The following SMAD2 variants were observed in gnomAD, a reference collection of about 807,000 sequenced individuals.
SMAD2 encodes the protein SMAD family member 2, also known as MAD homolog 2.
SMAD2 carries 8 observed loss-of-function variants against 64.4 expected under a neutral mutation model. The ratio of observed to expected loss-of-function variants is 0.12; its 90% CI spans 0.07 to 0.22. The LOEUF is 0.22. Ranked by LOEUF, SMAD2 falls within the 10% of genes least tolerant of loss-of-function variation. The pLI, the probability that SMAD2 is intolerant of heterozygous loss-of-function variation, is 1.00. For synonymous variants in SMAD2, 203 were observed against 195.8 expected (o/e 1.04, Z -0.31); for missense variants, 289 against 561.2 (o/e 0.51, Z 4.90).
chr18:47,871,345 A>C (rs2031921124), intron 2 of SMAD2, among the ~76,000 whole-genome samples: 1 of 152,254 alleles, frequency 6.6e-6, no homozygotes, highest in Non-Finnish European at 1.5e-5. Flanking sequence ...AAAATCATCA[A>C]AACTTCAATG....
In SMAD2 at chr18:47,832,495, T is replaced by TCC. The variant is rs990182499; in HGVS notation, c.*9330_*9331dup. ...AAATAGTGTATTTTAGCATTTGAGGTCCCTTTTTGTTGCATACTAAAGCAT... is the reference window on the plus strand; with the variant it reads ...AAATAGTGTATTTTAGCATTTGAGGTCCCCCTTTTTGTTGCATACTAAAGCAT... On this transcript the variant is annotated 3_prime_UTR_variant, in exon 11 of 11. Coordinates refer to ENST00000262160, the MANE Select transcript of SMAD2 (RefSeq NM_005901.6). 29 of 152,308 alleles carry TCC rather than the reference T, an allele frequency of 1.9e-4. No homozygotes were observed. Among genetic ancestry groups the TCC allele is most frequent in the African/African-American group, 5.8e-4 (24 of 41,574 alleles). The allele number at this position is 152,308 out of a possible 1,614,324, so 9.4% of individuals were successfully genotyped here.
chr18:47,908,231 G>T (rs2033982316), intron 1 of SMAD2, among the ~76,000 whole-genome samples: 1 of 152,156 alleles, frequency 6.6e-6, no homozygotes, highest in Non-Finnish European at 1.5e-5. Flanking sequence ...ATGGAGGGTG[G>T]AAGGGGTATT....
Position 47,848,502 on chromosome 18 carries a change from T to C in SMAD2, c.970A>G (p.Thr324Ala). The change falls in exon 8 of 11, where the codon ACG becomes GCG. Residue 324 changes from threonine to alanine, a missense_variant. By Grantham distance (58) the Thr-to-Ala change is moderately conservative. This residue lies in a region of SMAD2 where 49 missense variants were observed against 101.1 expected (regional missense o/e 0.48). Coordinates refer to ENST00000262160, the MANE Select transcript of SMAD2 (RefSeq NM_005901.6). Reference sequence around the variant, plus strand: ...ATATGCCTTCTTGTCATTTCTACCGTGGCATTTCGGTTAACATTGGAGAGT... The same window carrying C: ...ATATGCCTTCTTGTCATTTCTACCGCGGCATTTCGGTTAACATTGGAGAGT... Reference protein sequence around the residue: ...GLLSNVNRNATVEMTRRHIGR... With the variant: ...GLLSNVNRNAAVEMTRRHIGR... 6.2e-7 allele frequency: 1 copy of C among 1,613,698 alleles called. No homozygotes were observed. The highest frequency in any genetic ancestry group is 1.1e-5 in the South Asian group (1 of 91,068).
At position 47,868,316 on chromosome 18, in the gene SMAD2, A is replaced by G; in HGVS notation, c.655+7T>C. The G allele has an allele frequency of 6.2e-7, 1 of 1,612,716 alleles. No homozygotes were observed. The highest frequency in any genetic ancestry group is 8.5e-7 in the Non-Finnish European group (1 of 1,178,942). ...CAAGTTTTAGGAGATTCAGAAGGCAAAAATACCTGGAATATAATTACTCTG... is the reference window on the plus strand; with the variant it reads ...CAAGTTTTAGGAGATTCAGAAGGCAGAAATACCTGGAATATAATTACTCTG... On this transcript the variant is annotated splice_region_variant and intron_variant, in intron 5 of 10. Coordinates refer to ENST00000262160, the MANE Select transcript of SMAD2 (RefSeq NM_005901.6).
At position 47,833,291 on chromosome 18, in the gene SMAD2, T is replaced by G. The variant is rs973293936; in HGVS notation, c.*8536A>C. On this transcript the variant is annotated 3_prime_UTR_variant, in exon 11 of 11. Transcript: ENST00000262160. ...TAAGCAATGTTTTCTTAAGCAGAAC[T>G]TTTTTTGTACTTTAAATAGACTAAA... 1.8e-5 allele frequency: 4 copies of G among 217,444 alleles called. No homozygotes were observed. The highest frequency in any genetic ancestry group is 9.3e-6 in the Non-Finnish European group (1 of 107,906). 13.5% of individuals were successfully genotyped at this position (217,444 alleles called of 1,614,324 possible).
At position 47,814,720 on chromosome 18, in the gene SMAD2, C is replaced by G. The variant is rs1029576718; in HGVS notation, c.*27107G>C. On this transcript the variant is annotated 3_prime_UTR_variant, in exon 11 of 11. Transcript: ENST00000262160. Reference sequence around the variant, plus strand: ...AGGCTTACCCAGTATGGCACAGGAGCACTAGCTCAGCATTGGTGGAAGGAG... The same window carrying G: ...AGGCTTACCCAGTATGGCACAGGAGGACTAGCTCAGCATTGGTGGAAGGAG... The G allele has an allele frequency of 1.3e-5, 2 of 152,264 alleles. No homozygotes were observed. The highest frequency in any genetic ancestry group is 4.8e-5 in the African/African-American group (2 of 41,458). 9.4% of individuals were successfully genotyped at this position (152,264 alleles called of 1,614,324 possible).
chr18:47,882,995 CTCTG>C (rs1306424052), intron 2 of SMAD2, among the ~76,000 whole-genome samples: 2 of 152,152 alleles, frequency 1.3e-5, no homozygotes, highest in Non-Finnish European at 2.9e-5. Context: ...ATTGTGGGCT[CTCTG>C]TCTTTTTCTT....
rs141748599 is a variant in SMAD2 at position 47,924,450 on chromosome 18, C to T, written c.-54+5911G>A. Reference sequence around the variant, plus strand: ...GCTCTGCAAAAAAGATTTGCCACCCCACATTTTCTTTTTTTTCTTTTTTTT... The same window carrying T: ...GCTCTGCAAAAAAGATTTGCCACCCTACATTTTCTTTTTTTTCTTTTTTTT... On this transcript the variant is annotated intron_variant, in intron 1 of 10. Coordinates refer to ENST00000262160, the MANE Select transcript of SMAD2 (RefSeq NM_005901.6). Among the ~76,000 whole-genome samples, 18 of 151,610 alleles carry T rather than the reference C, an allele frequency of 1.2e-4. 1 individual carries two copies. The East Asian group carries it at 3.5e-3, about 29-fold the overall frequency.
chr18:47,926,535 T>G (rs1289640980), intron 1 of SMAD2, among the ~76,000 whole-genome samples: 1 of 151,806 alleles, frequency 6.6e-6, no homozygotes, highest in African/African-American at 2.4e-5. Context: ...CCTCTAAGCC[T>G]CCCACAGTAC....
chr18:47,866,048 G>A (rs967235415), intron 5 of SMAD2, among the ~76,000 whole-genome samples: 3 of 152,232 alleles, frequency 2.0e-5, no homozygotes, highest in African/African-American at 2.4e-5. Context: ...CAGGCGCGGT[G>A]GCTTATGCCT....
chr18:47,917,091 G>A (rs761450449), intron 1 of SMAD2, among the ~76,000 whole-genome samples: 1 of 152,124 alleles, frequency 6.6e-6, no homozygotes, highest in Non-Finnish European at 1.5e-5. Flanking sequence ...TATGATCTCG[G>A]CTCACTGCAA....
chr18:47,862,900 C>T (rs572796495), intron 6 of SMAD2, among the ~76,000 whole-genome samples: 43 of 151,880 alleles, frequency 2.8e-4, no homozygotes, highest in African/African-American at 1.0e-3. Flanking sequence ...AAAGGTTAAT[C>T]GAACTTATAA....
In SMAD2 at chr18:47,833,972, C is replaced by T; in HGVS notation, c.*7855G>A. On this transcript the variant is annotated 3_prime_UTR_variant, in exon 11 of 11. Transcript: ENST00000262160. ...CAGAAGAACTTAGCTATCTAGTTGG[C>T]CTCTTCTCTGTTCCATTATAACATC... The T allele has an allele frequency of 4.5e-6, 1 of 223,574 alleles. No individual in the cohort carries two copies. The highest frequency in any genetic ancestry group is 8.9e-6 in the Non-Finnish European group (1 of 112,306). The allele number at this position is 223,574 out of a possible 1,614,324, so 13.8% of individuals were successfully genotyped here.
chr18:47,894,208 GT>G (rs1354963490), intron 2 of SMAD2, among the ~76,000 whole-genome samples: 1 of 152,188 alleles, frequency 6.6e-6, no homozygotes, highest in Non-Finnish European at 1.5e-5. Flanking sequence ...CCTTGTTGAA[GT>G]TGTGCAAAAA....
chr18:47,869,119 T>C (rs1200048062), intron 4 of SMAD2, 124 bp downstream of exon 4: 1 of 690,930 alleles, frequency 1.4e-6, no homozygotes, highest in Non-Finnish European at 2.5e-6. Context: ...CCAAATAATA[T>C]GCACAATTTA....
intron 2 of SMAD2, among the ~76,000 whole-genome samples, chr18:47,885,748 G>A (rs966986229): frequency 6.6e-6 from 1 of 152,108 alleles, no homozygotes; most frequent in Non-Finnish European, 1.5e-5. Context: ...GATCGCTTGA[G>A]CCCAGGAGTT....
In SMAD2 at chr18:47,809,859, TC is replaced by T. The variant is rs1436101994; in HGVS notation, c.*31967del. On this transcript the variant is annotated 3_prime_UTR_variant, in exon 11 of 11. Transcript: ENST00000262160. ...AAAGAACTACTCATTTCCTTTTGCC[TC>T]ATGGCCTGAGACATACTTGGATACA... is the stretch of plus-strand genomic sequence containing the variant. The T allele has an allele frequency of 1.3e-5, 2 of 152,216 alleles. No individual in the cohort carries two copies. The highest frequency in any genetic ancestry group is 4.8e-5 in the African/African-American group (2 of 41,462). 9.4% of individuals were successfully genotyped at this position (152,216 alleles called of 1,614,324 possible).
chr18:47,839,387 G>C lies in SMAD2; in HGVS notation c.*2440C>G. The C allele has an allele frequency of 4.3e-6, 1 of 233,340 alleles. No homozygotes were observed. The highest frequency in any genetic ancestry group is 8.5e-6 in the Non-Finnish European group (1 of 118,016). The allele number at this position is 233,340 out of a possible 1,614,324, so 14.5% of individuals were successfully genotyped here. A position where few individuals can be genotyped will look rare whatever the true frequency, so the allele number is the denominator to read the frequency against. On this transcript the variant is annotated 3_prime_UTR_variant, in exon 11 of 11. Coordinates refer to ENST00000262160, the MANE Select transcript of SMAD2 (RefSeq NM_005901.6). ...CTCAAGTAAGAAAAAGAAGGGCAGAGGCTCCACTGAGTATCTCCTACAGGC... is the reference window on the plus strand; with the variant it reads ...CTCAAGTAAGAAAAAGAAGGGCAGACGCTCCACTGAGTATCTCCTACAGGC...
At chr18:47,924,464 TTTC>T (rs2034684635) in intron 1 of SMAD2, among the ~76,000 whole-genome samples, 1 of 150,242 alleles carries the variant, frequency 6.7e-6, no homozygotes, top group Non-Finnish European at 1.5e-5. Flanking sequence ...TTTTCTTTTT[TTTC>T]TTTTTTTTTT....
Sources: allele counts gnomAD v4.1 joint callset (sites outside exome capture counted in the v4.1 genomes callset), GRCh38; gene constraint gnomAD v4.1.1; regional missense constraint gnomAD v4.1.1; transcripts MANE v1.5; gene names NCBI Gene and HGNC (gene_info 2026-07-23, HGNC 2026-07-21).